The following VCL variants were observed in gnomAD, a reference collection of about 807,000 sequenced individuals.
VCL encodes vinculin.
VCL carries 47 observed loss-of-function variants against 125.7 expected under a neutral mutation model. The observed-to-expected ratio is 0.37, with a 90% CI of 0.30 to 0.48. VCL has a LOEUF of 0.48. Ranked by LOEUF, VCL falls within the 20% of genes least tolerant of loss-of-function variation. The pLI is 0.99. For missense variants in VCL, 1,069 were observed against 1,455.5 expected (o/e 0.73, Z 4.32); for synonymous variants, 458 against 514.6 (o/e 0.89, Z 1.49).
At chr10:74,115,628 G>A (rs1241947815) in intron 21 of VCL, among the ~76,000 whole-genome samples, 1 of 152,176 alleles carries the variant, frequency 6.6e-6, no homozygotes, top group South Asian at 2.1e-4. Flanking sequence ...TTTCTGGCTG[G>A]AGAGAAGGTC....
At position 74,118,379 on chromosome 10, in the gene VCL, T is replaced by C. The variant is rs1000847863; in HGVS notation, c.*210T>C. On this transcript the variant is annotated 3_prime_UTR_variant, in exon 22 of 22. Coordinates refer to ENST00000211998, the MANE Select transcript of VCL (RefSeq NM_014000.3). ...AATGTGTTTCTGTATAAAGCCTGTATTCTCAAACACAGTTACACTTGTGCA... is the reference window on the plus strand; with the variant it reads ...AATGTGTTTCTGTATAAAGCCTGTACTCTCAAACACAGTTACACTTGTGCA... The C allele has an allele frequency of 3.1e-6, 2 of 650,030 alleles. No individual in the cohort carries two copies. The highest frequency in any genetic ancestry group is 5.3e-6 in the Non-Finnish European group (2 of 374,742). The allele number at this position is 650,030 out of a possible 1,614,324, so 40.3% of individuals were successfully genotyped here. A position where few individuals can be genotyped will look rare whatever the true frequency, so the allele number is the denominator to read the frequency against.
chr10:74,050,019 A>G lies in VCL; in HGVS notation c.239+6866A>G, dbSNP rs143307843. 5.4e-4 allele frequency among the ~76,000 whole-genome samples: 83 copies of G among 152,362 alleles called. 3 individuals carry two copies. The East Asian group carries it at 0.013, about 24-fold the overall frequency. ...TTTCTGCAATGGAGCAGAAATGAAT[A>G]AGGAAGGCAATTCTTGGACCTGATC... is the stretch of plus-strand genomic sequence containing the variant. On this transcript the variant is annotated intron_variant, in intron 2 of 21. Transcript: ENST00000211998.
intron 2 of VCL, among the ~76,000 whole-genome samples, chr10:74,057,559 T>C (rs1841409486): frequency 1.3e-5 from 2 of 152,166 alleles, no homozygotes; most frequent in African/African-American, 4.8e-5. Context: ...TCAGGCCTTA[T>C]ATTATGAAGG....
At chr10:74,111,826 A>C in intron 18 of VCL, 83 bp from the exon 19 acceptor site, 1 of 1,555,854 alleles carries the variant, frequency 6.4e-7, no homozygotes, top group Non-Finnish European at 8.8e-7. Flanking sequence ...TTGGTTACTA[A>C]ACCAGCTGAA....
intron 17 of VCL, among the ~76,000 whole-genome samples, chr10:74,108,282 G>A (rs1296012992): frequency 1.3e-5 from 2 of 152,116 alleles, no homozygotes; most frequent in Non-Finnish European, 2.9e-5. Flanking sequence ...AGGTCATTTG[G>A]TCTAGCTACC....
chr10:74,083,151 C>G (rs763799199), intron 7 of VCL, among the ~76,000 whole-genome samples: 1 of 152,224 alleles, frequency 6.6e-6, no homozygotes, highest in Non-Finnish European at 1.5e-5. Flanking sequence ...CAAATAGATA[C>G]AGTTCCAAGT....
downstream of VCL, chr10:74,120,196 C>A (rs1840392171): frequency 6.6e-6 from 1 of 152,128 alleles, no homozygotes; most frequent in African/African-American, 2.4e-5. Context: ...TTAGCAAGAA[C>A]TTTTAGGTCA....
rs1840346038 is a variant in VCL, at chr10:74,118,508, T to C, written c.*339T>C. 1 of 351,094 alleles carries C rather than the reference T, an allele frequency of 2.8e-6. No individual in the cohort carries two copies. The highest frequency in any genetic ancestry group is 5.5e-6 in the Non-Finnish European group (1 of 181,668). The allele number at this position is 351,094 out of a possible 1,614,324, so 21.7% of individuals were successfully genotyped here. A position where few individuals can be genotyped will look rare whatever the true frequency, so the allele number is the denominator to read the frequency against. On this transcript the variant is annotated 3_prime_UTR_variant, in exon 22 of 22. Coordinates refer to ENST00000211998, the MANE Select transcript of VCL (RefSeq NM_014000.3). ...GACACTCTGCTCTGCCCTTGTTCCC[T>C]AGGGGACACTTCCCTCTGTTTCTCT...
intron 1 of VCL, among the ~76,000 whole-genome samples, chr10:74,013,625 T>C (rs1226853768): frequency 1.3e-5 from 2 of 152,130 alleles, no homozygotes; most frequent in African/African-American, 2.4e-5. Context: ...AAACTCCTTA[T>C]TTTAAAATCC....
At chr10:74,070,951 G>A (rs1276770666) in intron 3 of VCL, 24 bp from the exon 4 acceptor site, 1 of 1,613,556 alleles carries the variant, frequency 6.2e-7, no homozygotes, top group East Asian at 2.2e-5. Context: ...CCATGTGATT[G>A]AATACTCTGA....
Position 74,050,097 on chromosome 10 carries a change from T to G in VCL, c.239+6944T>G, listed in dbSNP as rs527444774. On this transcript the variant is annotated intron_variant, in intron 2 of 21. Coordinates refer to ENST00000211998, the MANE Select transcript of VCL (RefSeq NM_014000.3). ...AAAAGCATCACTTCTGAGGTGGTCTTGTGATATGAACTTGAAAAGGGCATG... is the reference window on the plus strand; with the variant it reads ...AAAAGCATCACTTCTGAGGTGGTCTGGTGATATGAACTTGAAAAGGGCATG... Among the ~76,000 whole-genome samples, 6 of 152,318 alleles carry G rather than the reference T, an allele frequency of 3.9e-5. No individual in the cohort carries two copies. The East Asian group carries it at 9.6e-4, about 24-fold the overall frequency.
intron 1 of VCL, among the ~76,000 whole-genome samples, chr10:74,035,410 A>T (rs928449184): frequency 2.4e-4 from 36 of 152,182 alleles, no homozygotes; most frequent in African/African-American, 8.4e-4. Flanking sequence ...AACAAAGGAT[A>T]TTTAAATTAA....
Position 74,118,186 on chromosome 10 carries a change from G to A in VCL, c.*17G>A, listed in dbSNP as rs753624420. The A allele has an allele frequency of 4.3e-6, 7 of 1,613,892 alleles. No homozygotes were observed. In the Admixed American group the frequency reaches 6.7e-5, roughly 15 times the overall value. On this transcript the variant is annotated 3_prime_UTR_variant, in exon 22 of 22. Transcript: ENST00000211998. ...TACCAGTAGGCACCTGGCTGAGCCTGGCTGGCACAGAAACCTCTACTAAAA... is the reference window on the plus strand; with the variant it reads ...TACCAGTAGGCACCTGGCTGAGCCTAGCTGGCACAGAAACCTCTACTAAAA...
intron 2 of VCL, among the ~76,000 whole-genome samples, chr10:74,058,588 C>CT (rs758790142): frequency 1.6e-3 from 229 of 143,046 alleles, no homozygotes; most frequent in Middle Eastern, 3.6e-3. Flanking sequence ...TCCTCCCCAA[C>CT]TTTTTTTTTT....
Position 74,105,194 on chromosome 10 carries a change from C to G in VCL, c.2275C>G (p.Arg759Gly). The change falls in exon 16 of 22, where the codon CGG (arginine) becomes GGG (glycine). Residue 759 changes from arginine (R) to glycine (G), a missense_variant. Transcript: ENST00000211998. ...LVAGATSIAR[R>G]ANRILLVAKR... The stretch of plus-strand genomic sequence containing the variant: ...TGCTGGGGCAACCAGTATTGCTCGT[C>G]GGGCCAACCGGATCCTGCTGGTGGC... 3 of 1,614,150 alleles carry G rather than the reference C, an allele frequency of 1.9e-6. No homozygotes were observed. Among genetic ancestry groups the G allele is most frequent in the Non-Finnish European group, 2.5e-6 (3 of 1,180,028 alleles).
chr10:74,043,300 TAA>T (rs1004312887), intron 2 of VCL, 147 bp downstream of exon 2: 1 of 748,952 alleles, frequency 1.3e-6, no homozygotes, highest in Non-Finnish European at 2.2e-6. Flanking sequence ...CTAACTTTTT[TAA>T]AAAAACTGTT....
chr10:74,037,143 C>G (rs1840995781), intron 1 of VCL, among the ~76,000 whole-genome samples: 1 of 151,596 alleles, frequency 6.6e-6, no homozygotes, highest in Non-Finnish European at 1.5e-5. Context: ...ATCTCCTGAC[C>G]TTGTGATCTA....
rs1402258730 is a variant in VCL at position 74,120,062 on chromosome 10, T to TA, written c.*1899dup. ...GAATGATGATTAGAGACATCACCGC[T>TA]AAAAAACTACATTTATAAGCTAGGA... On this transcript the variant is annotated 3_prime_UTR_variant, in exon 22 of 22. Transcript: ENST00000211998. 1 of 150,148 alleles carries TA rather than the reference T, an allele frequency of 6.7e-6. No homozygotes were observed. The highest frequency in any genetic ancestry group is 2.4e-5 in the African/African-American group (1 of 40,982). 9.3% of individuals were successfully genotyped at this position (150,148 alleles called of 1,614,324 possible).
intron 2 of VCL, among the ~76,000 whole-genome samples, chr10:74,058,315 T>G (rs1394394771): frequency 6.6e-6 from 1 of 152,152 alleles, no homozygotes; most frequent in Non-Finnish European, 1.5e-5. Flanking sequence ...TTTGATCAGA[T>G]ATGTTTGTGG....
Sources: gnomAD v4.1 joint callset for allele counts (sites outside exome capture counted in the v4.1 genomes callset) on GRCh38, gnomAD v4.1.1 for gene constraint, MANE v1.5 for transcripts, NCBI Gene and HGNC (gene_info 2026-07-23, HGNC 2026-07-21) for gene names.